The following SMARCC1 variants were observed in gnomAD, a reference collection of about 807,000 sequenced individuals.
SMARCC1 encodes the protein SWI/SNF complex subunit SMARCC1.
SMARCC1 carries 43 observed loss-of-function variants against 147.4 expected under a neutral mutation model. The observed-to-expected ratio is 0.29, with a 90% CI of 0.23 to 0.38. SMARCC1 has a LOEUF of 0.38. Ranked by LOEUF, SMARCC1 falls within the 10% of genes least tolerant of loss-of-function variation. The pLI, the probability that SMARCC1 is intolerant of heterozygous loss-of-function variation, is 1.00. For synonymous variants in SMARCC1, 495 were observed against 484.4 expected, an observed-to-expected ratio of 1.02 and a Z score of -0.29; for missense variants, 1,119 against 1,381.1, an observed-to-expected ratio of 0.81 and a Z score of 3.01.
At chr3:47,766,468 G>A (rs895555423) in intron 2 of SMARCC1, among the ~76,000 whole-genome samples, 2 of 152,046 alleles carry the variant, frequency 1.3e-5, no homozygotes, top group Admixed American at 6.6e-5. Flanking sequence ...TCAGGAGGGT[G>A]AGGTGGGAGG....
intron 2 of SMARCC1, among the ~76,000 whole-genome samples, chr3:47,767,861 C>A (rs1212406312): frequency 2.3e-4 from 33 of 146,342 alleles, no homozygotes. Flanking sequence ...ACAACAACAA[C>A]AAAAAAACAG....
chr3:47,618,008 T>C (rs538362563), intron 25 of SMARCC1, among the ~76,000 whole-genome samples: 15 of 152,280 alleles, frequency 9.9e-5, no homozygotes, highest in South Asian at 6.2e-4. Context: ...AATTGGATTA[T>C]TGACATTCAT....
rs190683039 is a variant in SMARCC1, at chr3:47,748,345, T to C, written c.316-2352A>G. Among the ~76,000 whole-genome samples, 10 of 152,052 alleles carry C rather than the reference T, an allele frequency of 6.6e-5. No homozygotes were observed. In the East Asian group the frequency reaches 1.6e-3, roughly 24 times the overall value. On this transcript the variant is annotated intron_variant, in intron 2 of 27. Coordinates refer to ENST00000254480, the MANE Select transcript of SMARCC1 (RefSeq NM_003074.4). ...TCTCGTATCTCAGCCTCCCAAGTAGTTGGGATTACAAGCAAGTGCCAATAC... is the reference window on the plus strand; with the variant it reads ...TCTCGTATCTCAGCCTCCCAAGTAGCTGGGATTACAAGCAAGTGCCAATAC...
In SMARCC1 at chr3:47,744,366, A is replaced by C. The variant is rs187118808; in HGVS notation, c.401+1542T>G. On this transcript the variant is annotated intron_variant, in intron 3 of 27. Coordinates refer to ENST00000254480, the MANE Select transcript of SMARCC1 (RefSeq NM_003074.4). ...CGCCATGATGGCCAGTCTGGACTCG[A>C]ACTCCTGACCTCAGGTGATCCAAAT... 1.2e-4 allele frequency among the ~76,000 whole-genome samples: 19 copies of C among 152,256 alleles called. No individual in the cohort carries two copies. The South Asian group carries it at 2.5e-3, about 20-fold the overall frequency.
chr3:47,595,923 C>A (rs1238446035), intron 26 of SMARCC1, among the ~76,000 whole-genome samples: 1 of 151,566 alleles, frequency 6.6e-6, no homozygotes, highest in African/African-American at 2.4e-5. Flanking sequence ...TTAGTAGAGA[C>A]CGAGTTTCAC....
chr3:47,640,164 T>G (rs1277373339), intron 21 of SMARCC1, among the ~76,000 whole-genome samples: 1 of 151,348 alleles, frequency 6.6e-6, no homozygotes, highest in Non-Finnish European at 1.5e-5. Flanking sequence ...AGAAAAGAAA[T>G]AAAGGCTCAA....
intron 11 of SMARCC1, among the ~76,000 whole-genome samples, chr3:47,698,131 A>C: frequency 6.6e-6 from 1 of 151,648 alleles, no homozygotes; most frequent in Non-Finnish European, 1.5e-5. Context: ...ATACAATGTC[A>C]TCAAATGAGG....
chr3:47,747,403 C>T (rs1410293576), intron 2 of SMARCC1, among the ~76,000 whole-genome samples: 1 of 105,568 alleles, frequency 9.5e-6, no homozygotes. Flanking sequence ...TGCCACTATA[C>T]TCTAGCCTGG....
intron 2 of SMARCC1, among the ~76,000 whole-genome samples, chr3:47,768,532 C>T (rs1341265003): frequency 1.3e-5 from 2 of 152,040 alleles, no homozygotes; most frequent in African/African-American, 2.4e-5. Context: ...TAATTTCAAT[C>T]GTATTATGTA....
chr3:47,737,652 C>G (rs769810558), intron 4 of SMARCC1, among the ~76,000 whole-genome samples: 5 of 151,356 alleles, frequency 3.3e-5, no homozygotes, highest in Non-Finnish European at 7.4e-5. Context: ...GAGAGCCAAT[C>G]TTTTTTTTGT....
intron 15 of SMARCC1, among the ~76,000 whole-genome samples, chr3:47,678,696 T>C (rs142303733): frequency 1.1e-4 from 17 of 152,346 alleles, no homozygotes; most frequent in African/African-American, 2.2e-4. Context: ...TGTCTGACAA[T>C]TGAATCCTCA....
intron 26 of SMARCC1, among the ~76,000 whole-genome samples, chr3:47,606,953 G>A (rs115635128): frequency 0.025 from 3,843 of 151,566 alleles, 172 homozygotes; most frequent in African/African-American, 0.088. Context: ...GGGTTCAAGC[G>A]ATCCTCAAGT....
At chr3:47,625,049 G>A (rs2032788603) in intron 24 of SMARCC1, among the ~76,000 whole-genome samples, 1 of 151,726 alleles carries the variant, frequency 6.6e-6, no homozygotes, top group Admixed American at 6.6e-5. Flanking sequence ...AATAAATTGA[G>A]ACAAATGAAA....
chr3:47,679,740 T>C (rs1428204387), intron 15 of SMARCC1, among the ~76,000 whole-genome samples: 2 of 151,558 alleles, frequency 1.3e-5, no homozygotes, highest in Admixed American at 1.3e-4. Flanking sequence ...TGCATGCCTG[T>C]AGTCTCAACT....
At chr3:47,667,164 A>G (rs960469163) in intron 19 of SMARCC1, among the ~76,000 whole-genome samples, 3 of 152,010 alleles carry the variant, frequency 2.0e-5, no homozygotes, top group Non-Finnish European at 2.9e-5. Flanking sequence ...AAAAACACAA[A>G]AAAATTAGCC....
At position 47,610,199 on chromosome 3, in the gene SMARCC1, T is replaced by C. The variant is rs751206305; in HGVS notation, c.2910A>G (p.Ala970=). 3.7e-6 allele frequency: 6 copies of C among 1,614,230 alleles called. 1 individual carries two copies. In the South Asian group the frequency reaches 6.6e-5, roughly 18 times the overall value. ...QQQHGQNPQQ[A]HQHSGGPGLA... Reference sequence around the variant, plus strand: ...GGCCAGGTCCTCCTGAGTGCTGGTGTGCCTGTTGAGGGTTCTGGCCATGCT... The same window carrying C: ...GGCCAGGTCCTCCTGAGTGCTGGTGCGCCTGTTGAGGGTTCTGGCCATGCT... Residue 970 remains alanine (A), a synonymous_variant, in exon 26 of 28, where the codon GCA becomes GCG. Transcript: ENST00000254480.
chr3:47,743,188 C>T (rs2034527711), intron 3 of SMARCC1, among the ~76,000 whole-genome samples: 1 of 152,142 alleles, frequency 6.6e-6, no homozygotes, highest in Admixed American at 6.6e-5. Flanking sequence ...AATGACAGGT[C>T]AGTATTCAGA....
intron 19 of SMARCC1, among the ~76,000 whole-genome samples, chr3:47,667,115 A>G (rs2033429799): frequency 4.6e-5 from 7 of 152,252 alleles, no homozygotes; most frequent in Admixed American, 3.3e-4. Context: ...CAGGAGATCG[A>G]GACCATCCTG....
chr3:47,758,972 G>A (rs894414292), intron 2 of SMARCC1, among the ~76,000 whole-genome samples: 1 of 150,934 alleles, frequency 6.6e-6, no homozygotes, highest in Non-Finnish European at 1.5e-5. Flanking sequence ...AGCTGAGATC[G>A]CACCATTGCA....
Sources: gnomAD v4.1 joint callset for allele counts (sites outside exome capture counted in the v4.1 genomes callset) on GRCh38, gnomAD v4.1.1 for gene constraint, MANE v1.5 for transcripts, NCBI Gene and HGNC (gene_info 2026-07-23, HGNC 2026-07-21) for gene names.